ARHGAP42: variants seen among roughly 807,000 people sequenced by gnomAD.
The protein encoded by ARHGAP42 is Rho GTPase activating protein 42, also known as rho GTPase-activating protein 42.
ARHGAP42 carries 63 observed loss-of-function variants against 125.0 expected under a neutral mutation model. That is an observed-to-expected ratio of 0.50 (90% CI 0.41 to 0.62). ARHGAP42 has a LOEUF of 0.62. ARHGAP42 is among the 20% of genes least tolerant of loss of function. The pLI, the probability that ARHGAP42 is intolerant of heterozygous loss-of-function variation, is 0.00. For synonymous variants in ARHGAP42, 339 were observed against 351.0 expected, an observed-to-expected ratio of 0.97 and a Z score of 0.38; for missense variants, 766 against 1,024.2, an observed-to-expected ratio of 0.75 and a Z score of 3.44.
chr11:100,751,399 C>G (rs930216253), intron 1 of ARHGAP42, among the ~76,000 whole-genome samples: 1 of 151,698 alleles, frequency 6.6e-6, no homozygotes, highest in Non-Finnish European at 1.5e-5. Context: ...TCTCCTGCGC[C>G]AGCCTTCTGA....
chr11:100,687,638 G>T lies in ARHGAP42; in HGVS notation c.-41G>T. The T allele has an allele frequency of 7.2e-7, 1 of 1,382,712 alleles. No homozygotes were observed. Among genetic ancestry groups the T allele is most frequent in the Non-Finnish European group, 9.5e-7 (1 of 1,055,652 alleles). 85.7% of individuals were successfully genotyped at this position (1,382,712 alleles called of 1,614,324 possible). Reference sequence around the variant, plus strand: ...CCGGCTGCCCCCGCCCTGACCTCCGGCCCGGACGTGTCCGCGGCCGCCGCT... The same window carrying T: ...CCGGCTGCCCCCGCCCTGACCTCCGTCCCGGACGTGTCCGCGGCCGCCGCT... On this transcript the variant is annotated 5_prime_UTR_variant, in exon 1 of 24. Coordinates refer to ENST00000298815, the MANE Select transcript of ARHGAP42 (RefSeq NM_152432.4).
chr11:100,757,868 A>G (rs1862611404), intron 1 of ARHGAP42, among the ~76,000 whole-genome samples: 1 of 152,182 alleles, frequency 6.6e-6, no homozygotes, highest in Non-Finnish European at 1.5e-5. Flanking sequence ...TTTTGGAAGG[A>G]TGAGGCATGA....
intron 4 of ARHGAP42, among the ~76,000 whole-genome samples, chr11:100,880,477 C>G (rs533917760): frequency 6.6e-6 from 1 of 151,968 alleles, no homozygotes; most frequent in Non-Finnish European, 1.5e-5. Context: ...TATATACCAC[C>G]GTTTCTTTAT....
chr11:100,733,272 G>A (rs1861992311), intron 1 of ARHGAP42, among the ~76,000 whole-genome samples: 1 of 152,158 alleles, frequency 6.6e-6, no homozygotes, highest in Non-Finnish European at 1.5e-5. Flanking sequence ...ATTGTCATGA[G>A]GATTATATAA....
Position 100,897,553 on chromosome 11 carries a change from C to T in ARHGAP42, c.385-15899C>T, listed in dbSNP as rs946344297. On this transcript the variant is annotated intron_variant, in intron 4 of 23. Coordinates refer to ENST00000298815, the MANE Select transcript of ARHGAP42 (RefSeq NM_152432.4). ...TGTAGTTCTCCTTGAAGAGGTCCTT[C>T]ACATCCCTTGTAAGTTGGATTCCTA... Among the ~76,000 whole-genome samples, 103 of 152,246 alleles carry T rather than the reference C, an allele frequency of 6.8e-4. 1 individual carries two copies. Among genetic ancestry groups the T allele is most frequent in the Non-Finnish European group, 1.3e-3 (86 of 68,012 alleles).
intron 1 of ARHGAP42, among the ~76,000 whole-genome samples, chr11:100,769,049 C>T (rs549336316): frequency 7.2e-4 from 109 of 152,248 alleles, no homozygotes; most frequent in Non-Finnish European, 1.4e-3. Flanking sequence ...CAAACCTTTA[C>T]AGCATGTTAC....
In ARHGAP42 at chr11:100,961,590, C is replaced by A. The variant is rs184369544; in HGVS notation, c.1301-94C>A. The A allele has an allele frequency of 1.1e-4, 118 of 1,053,958 alleles. No individual in the cohort carries two copies. The African/African-American group carries it at 1.5e-3, about 13-fold the overall frequency. 65.3% of individuals were successfully genotyped at this position (1,053,958 alleles called of 1,614,324 possible). On this transcript the variant is annotated intron_variant, in intron 14 of 23. Transcript: ENST00000298815. ...CATTCTAAGAAATGAATACCTCTCTCTTTTGACCTACTTACGTTTGTGCCC... is the reference window on the plus strand; with the variant it reads ...CATTCTAAGAAATGAATACCTCTCTATTTTGACCTACTTACGTTTGTGCCC...
intron 3 of ARHGAP42, among the ~76,000 whole-genome samples, chr11:100,841,293 A>G: frequency 6.6e-6 from 1 of 152,200 alleles, no homozygotes; most frequent in Admixed American, 6.5e-5. Flanking sequence ...TTGACAGTTA[A>G]TACCAAAGGG....
intron 1 of ARHGAP42, among the ~76,000 whole-genome samples, chr11:100,766,240 T>C (rs1862826444): frequency 6.6e-6 from 1 of 150,814 alleles, no homozygotes; most frequent in South Asian, 2.1e-4. Context: ...TGTGTGTGTG[T>C]GTGGTGTGGG....
chr11:100,975,304 G>C (rs542067996), intron 19 of ARHGAP42, among the ~76,000 whole-genome samples: 1 of 152,232 alleles, frequency 6.6e-6, no homozygotes, highest in South Asian at 2.1e-4. Flanking sequence ...TTGCACACCT[G>C]TATCAAAATA....
intron 20 of ARHGAP42, 32 bp from the exon 21 acceptor site, chr11:100,976,783 A>G: frequency 3.2e-6 from 5 of 1,548,202 alleles, no homozygotes; most frequent in Middle Eastern, 2.3e-4. Context: ...GTCTAATAGC[A>G]CCTTGCCTAT....
At chr11:100,825,010 G>A (rs1334121292) in intron 3 of ARHGAP42, among the ~76,000 whole-genome samples, 1 of 152,162 alleles carries the variant, frequency 6.6e-6, no homozygotes, top group Admixed American at 6.5e-5. Context: ...AACAACATTG[G>A]GAGTATGGTG....
chr11:100,723,616 A>G (rs983412562), intron 1 of ARHGAP42, among the ~76,000 whole-genome samples: 6 of 152,096 alleles, frequency 3.9e-5, no homozygotes, highest in African/African-American at 1.4e-4. Context: ...ACTTTTATAT[A>G]TTAGCTTTGT....
chr11:100,766,477 G>A (rs1418189540), intron 1 of ARHGAP42, among the ~76,000 whole-genome samples: 1 of 152,136 alleles, frequency 6.6e-6, no homozygotes, highest in Non-Finnish European at 1.5e-5. Flanking sequence ...TTATGATATG[G>A]ATGAACTTTA....
intron 1 of ARHGAP42, among the ~76,000 whole-genome samples, chr11:100,758,218 G>A (rs560225921): frequency 4.7e-4 from 71 of 152,312 alleles, no homozygotes; most frequent in African/African-American, 1.7e-3. Flanking sequence ...TTGGAGGTTT[G>A]TGTGAATGTG....
chr11:100,927,594 A>G (rs1867462373), intron 6 of ARHGAP42, among the ~76,000 whole-genome samples: 2 of 142,900 alleles, frequency 1.4e-5, no homozygotes, highest in African/African-American at 5.0e-5. Context: ...GAAATCAATC[A>G]TGTAGCTTCT....
At chr11:100,967,796 C>T (rs1858135871) in intron 17 of ARHGAP42, among the ~76,000 whole-genome samples, 1 of 152,176 alleles carries the variant, frequency 6.6e-6, no homozygotes, top group African/African-American at 2.4e-5. Context: ...CTACTGCAAC[C>T]TCCATCTCCT....
chr11:100,839,124 G>A (rs1194163274), intron 3 of ARHGAP42, among the ~76,000 whole-genome samples: 1 of 152,020 alleles, frequency 6.6e-6, no homozygotes, highest in African/African-American at 2.4e-5. Context: ...CACCTTTCTA[G>A]ATATTAAGGC....
intron 21 of ARHGAP42, among the ~76,000 whole-genome samples, chr11:100,977,665 G>A (rs772546544): frequency 6.6e-5 from 10 of 152,150 alleles, no homozygotes; most frequent in African/African-American, 9.6e-5. Flanking sequence ...AATGCTCTCT[G>A]AGCCATTACT....
Sources: gnomAD v4.1 joint callset for allele counts (sites outside exome capture counted in the v4.1 genomes callset) on GRCh38, gnomAD v4.1.1 for gene constraint, MANE v1.5 for transcripts, NCBI Gene and HGNC (gene_info 2026-07-23, HGNC 2026-07-21) for gene names.